Variants in MRTFB observed in about 807,000 individuals in gnomAD.
MRTFB encodes the protein myocardin-related transcription factor B.
MRTFB carries 29 observed loss-of-function variants against 104.2 expected under a neutral mutation model. That is an observed-to-expected ratio of 0.28 (90% CI 0.21 to 0.38). The LOEUF (loss-of-function observed/expected upper bound fraction) is 0.38, where lower values mean the gene tolerates loss of function less well. MRTFB is among the 10% of genes least tolerant of loss of function. The pLI is 1.00. For synonymous variants in MRTFB, 535 were observed against 519.5 expected, an observed-to-expected ratio of 1.03 and a Z score of -0.41; for missense variants, 1,270 against 1,341.6, an observed-to-expected ratio of 0.95 and a Z score of 0.83.
intron 3 of MRTFB, among the ~76,000 whole-genome samples, chr16:14,167,351 A>G (rs1255412461): frequency 1.3e-5 from 2 of 150,306 alleles, no homozygotes; most frequent in African/African-American, 4.9e-5. Context: ...CTACTTTTTA[A>G]TGTTTTTTTT....
intron 15 of MRTFB, among the ~76,000 whole-genome samples, chr16:14,253,670 AC>A (rs2043350242): frequency 6.6e-6 from 1 of 152,136 alleles, no homozygotes; most frequent in Non-Finnish European, 1.5e-5. Flanking sequence ...TGGCACCCTC[AC>A]CAAGGACATC....
intron 2 of MRTFB, among the ~76,000 whole-genome samples, chr16:14,111,733 G>T (rs1165826892): frequency 1.3e-5 from 2 of 152,148 alleles, no homozygotes. Context: ...GCCTCAGAGA[G>T]GTGTTGTGTC....
intron 3 of MRTFB, among the ~76,000 whole-genome samples, chr16:14,162,064 C>G (rs556223645): frequency 1.6e-3 from 245 of 148,596 alleles, no homozygotes; most frequent in Admixed American, 4.0e-3. Context: ...GCCTCTAATC[C>G]CAGTACTTTG....
At chr16:14,017,667 TTGTGTG>T in the MRTFB span, among the ~76,000 whole-genome samples, 1 of 49,308 alleles carries the variant, frequency 2.0e-5, no homozygotes, top group Non-Finnish European at 3.7e-5. Flanking sequence ...GTGTGTGTAT[TTGTGTG>T]TGTGTGTGTG....
intron 2 of MRTFB, among the ~76,000 whole-genome samples, chr16:14,137,551 A>G (rs963164249): frequency 6.6e-6 from 1 of 152,178 alleles, no homozygotes; most frequent in Admixed American, 6.5e-5. Flanking sequence ...TTTGATGTGA[A>G]CAGATTTTAT....
At chr16:14,044,705 G>T in the MRTFB span, among the ~76,000 whole-genome samples, 2 of 152,162 alleles carry the variant, frequency 1.3e-5, no homozygotes, top group Admixed American at 1.3e-4. Flanking sequence ...ACCTGCCAAT[G>T]AATGATATTG....
chr16:14,120,844 A>T (rs1007828466), intron 2 of MRTFB, among the ~76,000 whole-genome samples: 9 of 152,104 alleles, frequency 5.9e-5, no homozygotes, highest in Non-Finnish European at 8.8e-5. Context: ...AACTCTGAGG[A>T]CACAGGTAAG....
chr16:14,147,288 T>C (rs1277825807), intron 3 of MRTFB, among the ~76,000 whole-genome samples: 1 of 152,228 alleles, frequency 6.6e-6, no homozygotes, highest in African/African-American at 2.4e-5. Flanking sequence ...AAGCAAGCTG[T>C]AAGCCTCCCG....
At chr16:14,000,988 T>C in the MRTFB span, among the ~76,000 whole-genome samples, 1 of 152,274 alleles carries the variant, frequency 6.6e-6, no homozygotes, top group East Asian at 1.9e-4. Context: ...CTGTGCCTGA[T>C]ACATGATCAT....
At chr16:14,213,178 T>G (rs370377492) in intron 5 of MRTFB, among the ~76,000 whole-genome samples, 40 of 152,294 alleles carry the variant, frequency 2.6e-4, no homozygotes, top group African/African-American at 8.2e-4. Flanking sequence ...TTTAGGAAAT[T>G]TGTTATCTAG....
chr16:14,115,908 A>G (rs2036520248), intron 2 of MRTFB, among the ~76,000 whole-genome samples: 1 of 152,134 alleles, frequency 6.6e-6, no homozygotes, highest in Non-Finnish European at 1.5e-5. Context: ...CTGGGCCACC[A>G]TTAGGACAAG....
At chr16:14,037,478 G>T in the MRTFB span, among the ~76,000 whole-genome samples, 1 of 152,190 alleles carries the variant, frequency 6.6e-6, no homozygotes, top group Non-Finnish European at 1.5e-5. Context: ...ATTTTCAAAT[G>T]GGGGAAGGGT....
chr16:13,999,219 T>G, the MRTFB span, among the ~76,000 whole-genome samples: 2 of 151,622 alleles, frequency 1.3e-5, no homozygotes, highest in Non-Finnish European at 1.5e-5. Flanking sequence ...AACAGTCACT[T>G]CTAACCTCAG....
chr16:14,218,089 TGG>T (rs761032881), intron 7 of MRTFB, among the ~76,000 whole-genome samples: 1 of 152,200 alleles, frequency 6.6e-6, no homozygotes. Flanking sequence ...AGACGGAGTC[TGG>T]CTCTGTCTCC....
Position 14,234,246 on chromosome 16 carries a change from C to T in MRTFB, c.794C>T (p.Thr265Ile). 1 of 1,614,174 alleles carries T rather than the reference C, an allele frequency of 6.2e-7. No homozygotes were observed. The highest frequency in any genetic ancestry group is 8.5e-7 in the Non-Finnish European group (1 of 1,180,032). ...RPAAPVLPTN[T>I]VSSAKPGPAL... ...GCAGCTCCTGTCCTCCCCACAAACA[C>T]TGTGTCCTCAGCAAAGCCTGGCCCA... The change falls in exon 9 of 17, where the codon ACT (threonine) becomes ATT (isoleucine). Residue 265 changes from threonine to isoleucine, a missense_variant. Physicochemically the swap from Thr to Ile is moderately conservative, Grantham distance 89. Around this residue, in one of 3 missense-constraint regions of MRTFB, gnomAD observed 1,144 missense variants for 1,131.5 expected, o/e 1.01. Transcript: ENST00000571589.
chr16:14,167,163 C>G (rs116209480), intron 3 of MRTFB, among the ~76,000 whole-genome samples: 3,620 of 152,264 alleles, frequency 0.024, 160 homozygotes, highest in African/African-American at 0.083. Flanking sequence ...GCAGCCTTAC[C>G]AGCATCTGTT....
chr16:14,197,855 G>C (rs142379759), intron 3 of MRTFB, among the ~76,000 whole-genome samples: 1 of 152,132 alleles, frequency 6.6e-6, no homozygotes, highest in South Asian at 2.1e-4. Flanking sequence ...GGCCAGCCAG[G>C]GGTGGGTAGG....
intron 2 of MRTFB, among the ~76,000 whole-genome samples, chr16:14,106,778 G>C (rs1318252919): frequency 6.6e-6 from 1 of 152,192 alleles, no homozygotes; most frequent in Non-Finnish European, 1.5e-5. Context: ...TGAATACCTA[G>C]TATGAGGTCA....
intron 3 of MRTFB, among the ~76,000 whole-genome samples, chr16:14,202,134 GAGCT>G (rs1289580317): frequency 6.9e-6 from 1 of 145,742 alleles, no homozygotes; most frequent in Non-Finnish European, 1.5e-5. Context: ...AAAAAAAAAA[GAGCT>G]AGATTCCTTG....
Sources: allele counts gnomAD v4.1 joint callset (sites outside exome capture counted in the v4.1 genomes callset), GRCh38; gene constraint gnomAD v4.1.1; regional missense constraint gnomAD v4.1.1; transcripts MANE v1.5; gene names NCBI Gene and HGNC (gene_info 2026-07-23, HGNC 2026-07-21).